DDX60L: variants seen among roughly 807,000 people sequenced by gnomAD.
The protein encoded by DDX60L is probable ATP-dependent RNA helicase DDX60-like.
DDX60L carries 191 observed loss-of-function variants against 211.6 expected under a neutral mutation model. The observed-to-expected ratio is 0.90, with a 90% CI of 0.80 to 1.02. The LOEUF (loss-of-function observed/expected upper bound fraction) is 1.02, where lower values mean the gene tolerates loss of function less well. Ranked by LOEUF, DDX60L falls within the 50% of genes least tolerant of loss-of-function variation. DDX60L has a pLI of 0.00. For missense variants in DDX60L, 2,007 were observed against 1,984.1 expected, an observed-to-expected ratio of 1.01 and a Z score of -0.22; for synonymous variants, 706 against 694.1, an observed-to-expected ratio of 1.02 and a Z score of -0.27.
intron 4 of DDX60L, chr4:168,470,069 G>T (rs1184479776): frequency 1.3e-5 from 2 of 152,160 alleles, no homozygotes; most frequent in African/African-American, 4.8e-5. Context: ...ATAAGCACTT[G>T]AAAAAGTAGG....
At chr4:168,421,433 G>A (rs926259475) in intron 17 of DDX60L, among the ~76,000 whole-genome samples, 4 of 152,132 alleles carry the variant, frequency 2.6e-5, no homozygotes, top group Non-Finnish European at 5.9e-5. Flanking sequence ...GCCAAGGTGG[G>A]TGGATCACCT....
At position 168,357,599 on chromosome 4, in the gene DDX60L, T is replaced by A. The variant is rs1738376190; in HGVS notation, c.*548A>T. On this transcript the variant is annotated 3_prime_UTR_variant, in exon 38 of 38. Transcript: ENST00000682922. The stretch of plus-strand genomic sequence containing the variant: ...ACCCTCATGACCTATCATCTCCTAA[T>A]ACCATCACATTGAGGGTTAGAATTT... 1 of 154,240 alleles carries A rather than the reference T, an allele frequency of 6.5e-6. No individual in the cohort carries two copies. Among genetic ancestry groups the A allele is most frequent in the Non-Finnish European group, 1.4e-5 (1 of 69,654 alleles). The allele number at this position is 154,240 out of a possible 1,614,324, so 9.6% of individuals were successfully genotyped here. A position where few individuals can be genotyped will look rare whatever the true frequency, so the allele number is the denominator to read the frequency against.
chr4:168,415,279 A>G, intron 22 of DDX60L, 129 bp downstream of exon 22: 1 of 470,500 alleles, frequency 2.1e-6, no homozygotes. Flanking sequence ...AATGAATAAA[A>G]TAAAAGAATC....
chr4:168,413,159 C>T (rs776631175), intron 22 of DDX60L, among the ~76,000 whole-genome samples: 2 of 152,112 alleles, frequency 1.3e-5, no homozygotes, highest in Non-Finnish European at 2.9e-5. Flanking sequence ...TCAAGACCAT[C>T]CAGGAAAATA....
Position 168,381,328 on chromosome 4 carries a change from A to T in DDX60L, c.4117-1498T>A, listed in dbSNP as rs185893797. On this transcript the variant is annotated intron_variant, in intron 30 of 37. Transcript: ENST00000682922. ...AGCATTCCCTCCCATCACAGGCTGG[A>T]GTGCAGTAGGTCATAGCTCACTGCA... is the stretch of plus-strand genomic sequence containing the variant. Among the ~76,000 whole-genome samples the T allele has an allele frequency of 5.3e-5, 8 of 152,220 alleles. No homozygotes were observed. The East Asian group carries it at 1.5e-3, about 29-fold the overall frequency.
chr4:168,405,839 A>G, intron 24 of DDX60L, 111 bp downstream of exon 24: 1 of 1,231,404 alleles, frequency 8.1e-7, no homozygotes, highest in Non-Finnish European at 1.1e-6. Context: ...GGAATTACTA[A>G]AACAAAAATC....
At position 168,379,426 on chromosome 4, in the gene DDX60L, G is replaced by A. The variant is rs749588282; in HGVS notation, c.4300C>T (p.Leu1434Phe). The part of the protein sequence containing the change: ...SYLHGHEPSN[L>F]VFVNFLKRGL... ...CTCTTGAGAAAATTTACAAAAACAA[G>A]ATTTGAAGGTTCATGACCATGCAAA... The change falls in exon 32 of 38, where the codon CTT (leucine) becomes TTT (phenylalanine). Residue 1434 changes from leucine (L) to phenylalanine (F), a missense_variant. Coordinates refer to ENST00000682922, the MANE Select transcript of DDX60L (RefSeq NM_001012967.3). 6 of 1,603,544 alleles carry A rather than the reference G, an allele frequency of 3.7e-6. No homozygotes were observed. The highest frequency in any genetic ancestry group is 4.2e-6 in the Non-Finnish European group (5 of 1,176,710).
chr4:168,398,999 C>G (rs538522564), intron 26 of DDX60L, among the ~76,000 whole-genome samples: 6 of 152,216 alleles, frequency 3.9e-5, no homozygotes, highest in Non-Finnish European at 8.8e-5. Context: ...AAGAGCTCAA[C>G]ACTCAATGGG....
chr4:168,415,670 A>C lies in DDX60L; in HGVS notation c.2856T>G (p.Tyr952Ter). Reference sequence around the variant, plus strand: ...AAATAAGCTTACCAAGTCTAACTTCATATGATTGATTTTTATATGAATGGT... The same window carrying C: ...AAATAAGCTTACCAAGTCTAACTTCCTATGATTGATTTTTATATGAATGGT... ...LQDHSYKNQS[Y>*]EVRLVLCGER... is the part of the protein sequence containing the mutation. Residue 952 changes from tyrosine to a stop codon, truncating the protein, a stop_gained, in exon 21 of 38, where the codon TAT becomes TAG. Coordinates refer to ENST00000682922, the MANE Select transcript of DDX60L (RefSeq NM_001012967.3). LOFTEE classifies it high-confidence loss of function. 6.3e-7 allele frequency: 1 copy of C among 1,590,714 alleles called. No homozygotes were observed. Among genetic ancestry groups the C allele is most frequent in the Non-Finnish European group, 8.6e-7 (1 of 1,168,202 alleles).
intron 23 of DDX60L, 42 bp from the exon 24 acceptor site, chr4:168,406,120 A>T: frequency 6.4e-7 from 1 of 1,556,574 alleles, no homozygotes; most frequent in Non-Finnish European, 8.6e-7. Flanking sequence ...AAGCTATGCA[A>T]TCTATAGTAA....
intron 4 of DDX60L, among the ~76,000 whole-genome samples, chr4:168,466,561 T>C (rs1213495614): frequency 1.3e-5 from 2 of 152,198 alleles, no homozygotes; most frequent in Admixed American, 6.6e-5. Flanking sequence ...CATTCGAAAA[T>C]AGAGGAATAA....
chr4:168,459,781 A>AAGGAAGGAAGGAAGGAAGGAAGGG, intron 5 of DDX60L, among the ~76,000 whole-genome samples: 1 of 118,490 alleles, frequency 8.4e-6, no homozygotes, highest in Non-Finnish European at 1.8e-5. Context: ...GGAGGGAAGG[A>AAGGAAGGAAGGAAGGAAGGAAGGG]AGGAAGGAAG....
chr4:168,467,445 C>CAAAAAAAAA (rs199648164), intron 4 of DDX60L, among the ~76,000 whole-genome samples: 2 of 109,108 alleles, frequency 1.8e-5, no homozygotes, highest in Non-Finnish European at 3.8e-5. Context: ...GTTTCCATTC[C>CAAAAAAAAA]AAAAAAAAAA....
chr4:168,393,479 G>A (rs1380608942), intron 28 of DDX60L, among the ~76,000 whole-genome samples: 1 of 152,136 alleles, frequency 6.6e-6, no homozygotes, highest in Non-Finnish European at 1.5e-5. Flanking sequence ...CTGGGGGACA[G>A]AGCAAGACAC....
rs539972527 is a variant in DDX60L at position 168,417,824 on chromosome 4, G to A, written c.2611-1027C>T. On this transcript the variant is annotated intron_variant, in intron 19 of 37. Coordinates refer to ENST00000682922, the MANE Select transcript of DDX60L (RefSeq NM_001012967.3). ...ATTTTGGTCTTAAACAGAATACATC[G>A]TGACAATTGGGTCTCAGCTGGAAAG... Among the ~76,000 whole-genome samples the A allele has an allele frequency of 7.9e-5, 12 of 152,230 alleles. No homozygotes were observed. In the East Asian group the frequency reaches 1.9e-3, roughly 24 times the overall value.
rs372594473 is a variant in DDX60L at position 168,420,321 on chromosome 4, G to A, written c.2454C>T (p.Ala818=). The A allele has an allele frequency of 1.4e-4, 224 of 1,611,522 alleles. 1 individual carries two copies. The highest frequency in any genetic ancestry group is 9.9e-4 in the African/African-American group (74 of 74,708). Residue 818 remains alanine, a synonymous_variant, in exon 18 of 38, where the codon GCC becomes GCT. Coordinates refer to ENST00000682922, the MANE Select transcript of DDX60L (RefSeq NM_001012967.3). ...VENRFTKTLP[A]GRTLCGAFTR... ...TAAAAGCACCGCATAGAGTTCTGCCGGCAGGCAACGTTTTAGTAAAACGAT... is the reference window on the plus strand; with the variant it reads ...TAAAAGCACCGCATAGAGTTCTGCCAGCAGGCAACGTTTTAGTAAAACGAT...
Position 168,419,349 on chromosome 4 carries a change from G to C in DDX60L, c.2563C>G (p.His855Asp), listed in dbSNP as rs772468690. ...ECFEILLLAP[H>D]RQKWVERIRY... ...ATCCTTTCCACCCATTTTTGGCGAT[G>C]AGGAGCAAGCAACAGGATTTCAAAA... Residue 855 changes from histidine (H) to aspartate (D), a missense_variant, in exon 19 of 38, where the codon CAT becomes GAT. By Grantham distance (81) the His-to-Asp change is moderately conservative (BLOSUM62 -1). Coordinates refer to ENST00000682922, the MANE Select transcript of DDX60L (RefSeq NM_001012967.3). The C allele has an allele frequency of 6.3e-7, 1 of 1,599,162 alleles. No homozygotes were observed. Among genetic ancestry groups the C allele is most frequent in the Non-Finnish European group, 8.5e-7 (1 of 1,171,906 alleles).
intron 30 of DDX60L, 127 bp from the exon 31 acceptor site, chr4:168,379,957 AT>A (rs1359046175): frequency 6.9e-6 from 4 of 582,604 alleles, no homozygotes; most frequent in Non-Finnish European, 1.2e-5. Context: ...AGTAAATTTC[AT>A]TTGATTTCAT....
chr4:168,379,879 A>G, intron 30 of DDX60L, 49 bp from the exon 31 acceptor site: 4 of 1,324,318 alleles, frequency 3.0e-6, no homozygotes, highest in Non-Finnish European at 4.3e-6. Flanking sequence ...CAGTATTTGT[A>G]AATACTGATA....
Sources: gnomAD v4.1 joint callset for allele counts (sites outside exome capture counted in the v4.1 genomes callset) on GRCh38, gnomAD v4.1.1 for gene constraint, MANE v1.5 for transcripts, NCBI Gene and HGNC (gene_info 2026-07-23, HGNC 2026-07-21) for gene names.